Variants in EPS15L1 observed in about 807,000 individuals in gnomAD.
EPS15L1 encodes epidermal growth factor receptor pathway substrate 15 like 1, also known as epidermal growth factor receptor substrate 15-like 1.
In EPS15L1, 43 loss-of-function variants were observed where a neutral mutation model predicts 117.1. That is an observed-to-expected ratio of 0.37 (90% CI 0.29 to 0.47). The LOEUF is 0.47. Among genes scored for constraint, EPS15L1 ranks in the 20% least tolerant of loss-of-function variants. The pLI, the probability that EPS15L1 is intolerant of heterozygous loss-of-function variation, is 0.99. For missense variants in EPS15L1, 981 were observed against 1,164.0 expected (o/e 0.84, Z 2.29); for synonymous variants, 459 against 470.5 (o/e 0.98, Z 0.32).
intron 7 of EPS15L1, 47 bp downstream of exon 7, chr19:16,434,318 C>T (rs1249520421): frequency 1.9e-6 from 3 of 1,601,618 alleles, no homozygotes; most frequent in Non-Finnish European, 2.6e-6. Context: ...CGCCCACACA[C>T]AGCAGGGACA....
intron 23 of EPS15L1, 104 bp from the exon 24 acceptor site, chr19:16,355,955 GC>G: frequency 7.3e-7 from 1 of 1,364,640 alleles, no homozygotes; most frequent in Non-Finnish European, 9.9e-7. Flanking sequence ...CCTGCCCACC[GC>G]CCAGCGGAGG....
At chr19:16,413,628 A>G in intron 13 of EPS15L1, 145 bp downstream of exon 13, 1 of 774,346 alleles carries the variant, frequency 1.3e-6, no homozygotes, top group East Asian at 2.5e-5. Context: ...AAAAAAAAAC[A>G]AAAACTTCAT....
chr19:16,435,647 G>C (rs1300784805), intron 6 of EPS15L1, among the ~76,000 whole-genome samples: 1 of 149,096 alleles, frequency 6.7e-6, no homozygotes, highest in Non-Finnish European at 1.5e-5. Context: ...GAGCGCTGCA[G>C]GTCTTTCTCG....
chr19:16,398,704 T>C (rs2092565636), intron 16 of EPS15L1, among the ~76,000 whole-genome samples: 1 of 152,204 alleles, frequency 6.6e-6, no homozygotes, highest in African/African-American at 2.4e-5. Context: ...TGGAGGGCAA[T>C]GGCTATTCAC....
At chr19:16,437,041 T>C in intron 5 of EPS15L1, 42 bp from the exon 6 acceptor site, 3 of 1,577,178 alleles carry the variant, frequency 1.9e-6, no homozygotes, top group Non-Finnish European at 2.6e-6. Context: ...TGGCACAGAA[T>C]TAAATCATAG....
Position 16,471,941 on chromosome 19 carries a change from GCCATCTTCCC to G in EPS15L1, c.-6_4del. The G allele has an allele frequency of 7.8e-7, 1 of 1,288,696 alleles. No individual in the cohort carries two copies. The highest frequency in any genetic ancestry group is 9.8e-7 in the Non-Finnish European group (1 of 1,019,000). The allele number at this position is 1,288,696 out of a possible 1,614,324, so 79.8% of individuals were successfully genotyped here. A position where few individuals can be genotyped will look rare whatever the true frequency, so the allele number is the denominator to read the frequency against. On this transcript the variant is annotated start_lost and 5_prime_UTR_variant, in exon 1 of 24. Transcript: ENST00000455140. This position sits in a 1 kb window ranked among gnomAD's most constrained non-coding sequence, Gnocchi z 4.8. ...CTGGGAGAGGGGGATGAGCGGCGCC[GCCATCTTCCC>G]GCGGACTCGGGCTCCGAGCGCCGGG...
chr19:16,395,814 G>A (rs1027442647), intron 16 of EPS15L1, among the ~76,000 whole-genome samples: 5 of 152,094 alleles, frequency 3.3e-5, no homozygotes, highest in Non-Finnish European at 5.9e-5. Context: ...GTGTTGTGCC[G>A]GGCACCTGTA....
intron 1 of EPS15L1, among the ~76,000 whole-genome samples, chr19:16,465,459 G>T (rs376207764): frequency 6.6e-6 from 1 of 152,254 alleles, no homozygotes; most frequent in East Asian, 1.9e-4. Flanking sequence ...GAGGCAGGAG[G>T]ATCACTTGAG....
At chr19:16,368,703 A>G (rs2092175102) in intron 22 of EPS15L1, among the ~76,000 whole-genome samples, 1 of 151,994 alleles carries the variant, frequency 6.6e-6, no homozygotes, top group African/African-American at 2.4e-5. Context: ...TACATAACAC[A>G]GACACCCACC....
intron 19 of EPS15L1, among the ~76,000 whole-genome samples, chr19:16,389,588 G>A (rs1166310638): frequency 1.3e-5 from 2 of 152,110 alleles, no homozygotes; most frequent in Non-Finnish European, 2.9e-5. Flanking sequence ...TATCAGAAAT[G>A]GTACATATTT....
chr19:16,446,326 A>G (rs1174689748), intron 1 of EPS15L1, among the ~76,000 whole-genome samples: 1 of 152,074 alleles, frequency 6.6e-6, no homozygotes, highest in African/African-American at 2.4e-5. Context: ...CGCCTCCTAC[A>G]TCTTCATGCC....
chr19:16,469,847 C>G (rs543837462), intron 1 of EPS15L1, among the ~76,000 whole-genome samples: 1 of 152,200 alleles, frequency 6.6e-6, no homozygotes, highest in East Asian at 1.9e-4. Context: ...TGCCCCCAAC[C>G]AAAAATTTTG....
chr19:16,422,072 C>T (rs1356670080), intron 9 of EPS15L1, among the ~76,000 whole-genome samples: 1 of 152,220 alleles, frequency 6.6e-6, no homozygotes, highest in Non-Finnish European at 1.5e-5. Flanking sequence ...CCACCACCCA[C>T]GAGGCCCCAC....
At chr19:16,388,752 G>A (rs1373138490) in intron 19 of EPS15L1, among the ~76,000 whole-genome samples, 2 of 151,946 alleles carry the variant, frequency 1.3e-5, no homozygotes, top group South Asian at 2.1e-4. Flanking sequence ...GCGTGAACCC[G>A]GGAGGCGGAG....
intron 7 of EPS15L1, among the ~76,000 whole-genome samples, chr19:16,430,532 T>C (rs1359022361): frequency 1.3e-5 from 2 of 152,270 alleles, no homozygotes; most frequent in African/African-American, 4.8e-5. Context: ...GATGTGTGTC[T>C]TCACGCAGAG....
At position 16,355,382 on chromosome 19, in the gene EPS15L1, G is replaced by A. The variant is rs2091967535; in HGVS notation, c.*323C>T. 4 of 293,296 alleles carry A rather than the reference G, an allele frequency of 1.4e-5. No homozygotes were observed. In the South Asian group the frequency reaches 3.5e-4, roughly 26 times the overall value. 18.2% of individuals were successfully genotyped at this position (293,296 alleles called of 1,614,324 possible). ...CTGCAGCTATGAGTAGGGAGGAGGC[G>A]GGGAAGCCCTGGGTGCTTCCTCTCC... On this transcript the variant is annotated 3_prime_UTR_variant, in exon 24 of 24. Coordinates refer to ENST00000455140, the MANE Select transcript of EPS15L1 (RefSeq NM_001258374.3).
rs76975253 is a variant in EPS15L1 at position 16,363,237 on chromosome 19, G to A, written c.2381-1253C>T. On this transcript the variant is annotated intron_variant, in intron 22 of 23. Coordinates refer to ENST00000455140, the MANE Select transcript of EPS15L1 (RefSeq NM_001258374.3). ...GTCCACGCAGCACCCCAGACTGGAA[G>A]CTCAATAATATGCAACACGATTCCG... Among the ~76,000 whole-genome samples the A allele has an allele frequency of 5.2e-3, 788 of 152,302 alleles. 2 individuals are homozygous for A. Among genetic ancestry groups the A allele is most frequent in the Middle Eastern group, 0.01 (3 of 294 alleles).
Position 16,471,833 on chromosome 19 carries a change from T to C in EPS15L1, c.33+80A>G. On this transcript the variant is annotated intron_variant, in intron 1 of 23. Coordinates refer to ENST00000455140, the MANE Select transcript of EPS15L1 (RefSeq NM_001258374.3). The surrounding 1 kb of genome is among the most constrained non-coding windows in gnomAD (Gnocchi z 4.8). The stretch of plus-strand genomic sequence containing the variant: ...GCCCCCGCCGCCGCCTGGCTGAGTC[T>C]CCCAGCGCCTCAGCCTCGCCGCACC... The C allele has an allele frequency of 1.3e-6, 1 of 771,012 alleles. No homozygotes were observed. The allele number at this position is 771,012 out of a possible 1,614,324, so 47.8% of individuals were successfully genotyped here.
chr19:16,428,861 G>A (rs1314317116), intron 7 of EPS15L1, 100 bp from the exon 8 acceptor site: 5 of 887,562 alleles, frequency 5.6e-6, no homozygotes, highest in African/African-American at 1.7e-5. Flanking sequence ...GCACTCACTG[G>A]GCTCAGGAGA....
Sources: gnomAD v4.1 joint callset for allele counts (sites outside exome capture counted in the v4.1 genomes callset) on GRCh38, gnomAD v4.1.1 for gene constraint, Gnocchi (gnomAD v3.1) non-coding constraint, MANE v1.5 for transcripts, NCBI Gene and HGNC (gene_info 2026-07-23, HGNC 2026-07-21) for gene names.